The following RBFOX1 variants were observed in gnomAD, a reference collection of about 807,000 sequenced individuals.
RBFOX1 encodes RNA binding fox-1 homolog 1.
In RBFOX1, 8 loss-of-function variants were observed where a neutral mutation model predicts 57.7. The observed-to-expected ratio is 0.14, with a 90% CI of 0.08 to 0.25. The LOEUF (loss-of-function observed/expected upper bound fraction) is 0.25, where lower values mean the gene tolerates loss of function less well. RBFOX1 is among the 10% of genes least tolerant of loss of function. The pLI, the probability that RBFOX1 is intolerant of heterozygous loss-of-function variation, is 1.00. For missense variants in RBFOX1, 611 were observed against 548.5 expected (o/e 1.11, Z -1.14); for synonymous variants, 326 against 222.4 (o/e 1.47, Z -4.15).
chr16:6,899,123 A>G (rs1046014871), intron 3 of RBFOX1, among the ~76,000 whole-genome samples: 7 of 141,128 alleles, frequency 5.0e-5, no homozygotes, highest in Admixed American at 2.8e-4. Flanking sequence ...GTGTTTATGC[A>G]TATGTGTATA....
rs75062863 is a variant in RBFOX1 at position 6,343,954 on chromosome 16, C to T, written c.-64+26897C>T. On this transcript the variant is annotated intron_variant, in intron 2 of 15. Transcript: ENST00000550418. ...ACGAGTCTCTGGCTGTTACAAATGT[C>T]AGCTGAGCACAGTCTAATTCTAATC... Among the ~76,000 whole-genome samples the T allele has an allele frequency of 1.3e-3, 196 of 152,314 alleles. 1 individual carries two copies. The highest frequency in any genetic ancestry group is 4.3e-3 in the African/African-American group (178 of 41,570).
intron 2 of RBFOX1, among the ~76,000 whole-genome samples, chr16:6,609,991 G>A (rs779040965): frequency 6.8e-6 from 1 of 147,256 alleles, no homozygotes; most frequent in African/African-American, 2.5e-5. Flanking sequence ...CCTGGCAGTA[G>A]TGTGAGGCTC....
In RBFOX1 at chr16:7,567,173, A is replaced by C. The variant is rs55820561; in HGVS notation, c.271-12604A>C. On this transcript the variant is annotated intron_variant, in intron 5 of 15. Coordinates refer to ENST00000550418, the MANE Select transcript of RBFOX1 (RefSeq NM_018723.4). ...TCCCTATATATATATCCATATATAT[A>C]TCCCTATATAAATATCCATATATAT... Among the ~76,000 whole-genome samples the C allele has an allele frequency of 7.1e-3, 917 of 129,044 alleles. 14 individuals carry two copies. The highest frequency in any genetic ancestry group is 0.016 in the African/African-American group (552 of 34,018). 84.7% of individuals were successfully genotyped at this position (129,044 alleles called of 152,430 possible). A position where few individuals can be genotyped will look rare whatever the true frequency, so the allele number is the denominator to read the frequency against.
At chr16:5,634,077 C>T (rs1450236101) in intron 3 of RBFOX1, among the ~76,000 whole-genome samples, 2 of 152,200 alleles carry the variant, frequency 1.3e-5, no homozygotes, top group African/African-American at 2.4e-5. Flanking sequence ...GTTGCAGTTT[C>T]TGAGGTCCAA....
intron 4 of RBFOX1, among the ~76,000 whole-genome samples, chr16:7,165,631 G>A (rs927073374): frequency 5.3e-5 from 8 of 151,814 alleles, no homozygotes; most frequent in African/African-American, 1.2e-4. Context: ...GTTTCTCCAC[G>A]TTGGTCAGGC....
intron 4 of RBFOX1, among the ~76,000 whole-genome samples, chr16:7,470,495 G>A (rs1317175667): frequency 6.6e-6 from 1 of 152,062 alleles, no homozygotes; most frequent in Non-Finnish European, 1.5e-5. Flanking sequence ...TTGAATGGAT[G>A]GAAGAATGGT....
At chr16:6,716,439 T>G in intron 3 of RBFOX1, among the ~76,000 whole-genome samples, 1 of 152,214 alleles carries the variant, frequency 6.6e-6, no homozygotes. Flanking sequence ...CATTTGTTGT[T>G]TTATTTTGCT....
intron 4 of RBFOX1, among the ~76,000 whole-genome samples, chr16:5,886,714 C>G (rs1009048387): frequency 6.6e-6 from 1 of 152,104 alleles, no homozygotes; most frequent in South Asian, 2.1e-4. Flanking sequence ...ATGGGGAAAC[C>G]CTGTCTCTAC....
chr16:7,214,782 C>A (rs1173293056), intron 4 of RBFOX1, among the ~76,000 whole-genome samples: 1 of 152,094 alleles, frequency 6.6e-6, no homozygotes, highest in South Asian at 2.1e-4. Context: ...CAATCTCACC[C>A]CTGCAAAATG....
intron 4 of RBFOX1, among the ~76,000 whole-genome samples, chr16:5,905,339 T>C (rs941184671): frequency 6.6e-6 from 1 of 151,926 alleles, no homozygotes; most frequent in African/African-American, 2.4e-5. Flanking sequence ...AGGCATGAGC[T>C]GCTGTGACGG....
chr16:5,315,797 G>C (rs1239614767), intron 1 of RBFOX1, among the ~76,000 whole-genome samples: 1 of 152,132 alleles, frequency 6.6e-6, no homozygotes, highest in East Asian at 1.9e-4. Context: ...CTTTGGTGAA[G>C]AACACATAGG....
chr16:7,024,923 G>C (rs1313120247), intron 3 of RBFOX1, among the ~76,000 whole-genome samples: 1 of 152,066 alleles, frequency 6.6e-6, no homozygotes, highest in Non-Finnish European at 1.5e-5. Flanking sequence ...TTATAGAGGA[G>C]GACACTGAGG....
chr16:7,470,537 G>T (rs753628191), intron 4 of RBFOX1, among the ~76,000 whole-genome samples: 6 of 151,764 alleles, frequency 4.0e-5, no homozygotes, highest in Non-Finnish European at 5.9e-5. Context: ...GGGTAGATGA[G>T]TGGGTGGATG....
At chr16:7,658,190 C>T (rs2066801573) in intron 12 of RBFOX1, among the ~76,000 whole-genome samples, 1 of 152,176 alleles carries the variant, frequency 6.6e-6, no homozygotes, top group Admixed American at 6.5e-5. Flanking sequence ...CCACAGTCTT[C>T]TTTCTCAACA....
At chr16:5,409,634 GC>G (rs2066960873) in intron 1 of RBFOX1, among the ~76,000 whole-genome samples, 1 of 152,164 alleles carries the variant, frequency 6.6e-6, no homozygotes, top group African/African-American at 2.4e-5. Context: ...AACCAAACTG[GC>G]CAGGCTCCTT....
intron 2 of RBFOX1, among the ~76,000 whole-genome samples, chr16:6,358,762 C>T (rs941470186): frequency 6.6e-6 from 1 of 152,192 alleles, no homozygotes; most frequent in Admixed American, 6.5e-5. Context: ...CAGAGCTTGT[C>T]TCCTGATGGA....
At chr16:5,831,714 T>C (rs1194471393) in intron 3 of RBFOX1, among the ~76,000 whole-genome samples, 1 of 151,972 alleles carries the variant, frequency 6.6e-6, no homozygotes, top group East Asian at 1.9e-4. Context: ...GGATTACAGG[T>C]GTGAGCCACT....
chr16:6,965,686 T>C (rs2083984238), intron 3 of RBFOX1, among the ~76,000 whole-genome samples: 1 of 152,226 alleles, frequency 6.6e-6, no homozygotes, highest in South Asian at 2.1e-4. Context: ...CCAGTGACTA[T>C]ATTATCTGAA....
At chr16:7,216,600 G>T (rs779269270) in intron 4 of RBFOX1, among the ~76,000 whole-genome samples, 5 of 152,152 alleles carry the variant, frequency 3.3e-5, no homozygotes, top group Non-Finnish European at 5.9e-5. Flanking sequence ...AGAGGTTGCA[G>T]TGAGCCCAGA....
Sources: gnomAD v4.1 joint callset for allele counts (sites outside exome capture counted in the v4.1 genomes callset) on GRCh38, gnomAD v4.1.1 for gene constraint, MANE v1.5 for transcripts, NCBI Gene and HGNC (gene_info 2026-07-23, HGNC 2026-07-21) for gene names.